MPP7: variants seen among roughly 807,000 people sequenced by gnomAD.
MPP7 encodes the protein MAGUK p55 scaffold protein 7.
Under a neutral mutation model 76.5 loss-of-function variants are expected in MPP7, and 60 were observed. That is an observed-to-expected ratio of 0.78 (90% CI 0.64 to 0.97). The LOEUF (loss-of-function observed/expected upper bound fraction) is 0.97. MPP7 is among the 50% of genes least tolerant of loss of function. MPP7 has a pLI of 0.00. For synonymous variants in MPP7, 237 were observed against 244.5 expected, an observed-to-expected ratio of 0.97 and a Z score of 0.29; for missense variants, 641 against 694.0, an observed-to-expected ratio of 0.92 and a Z score of 0.86.
chr10:28,153,521 A>G (rs2133790268), intron 3 of MPP7, among the ~76,000 whole-genome samples: 1 of 152,298 alleles, frequency 6.6e-6, no homozygotes, highest in African/African-American at 2.4e-5. Flanking sequence ...ATATGTCCAT[A>G]AGGGTTTTTT....
intron 2 of MPP7, among the ~76,000 whole-genome samples, chr10:28,315,812 T>C (rs868224193): frequency 2.6e-5 from 4 of 152,210 alleles, no homozygotes; most frequent in Middle Eastern, 3.4e-3. Flanking sequence ...AGAGTAACTT[T>C]ACAGTGGAAA....
At chr10:28,325,619 G>A (rs559697454) in intron 2 of MPP7, among the ~76,000 whole-genome samples, 6 of 151,910 alleles carry the variant, frequency 3.9e-5, no homozygotes, top group South Asian at 2.1e-4. Context: ...TCAACTTCCC[G>A]AATAGCTGAG....
chr10:28,199,180 C>G (rs1015145377), intron 3 of MPP7, among the ~76,000 whole-genome samples: 1 of 152,008 alleles, frequency 6.6e-6, no homozygotes. Context: ...AAACCACCCC[C>G]CACGATTCGA....
intron 11 of MPP7, among the ~76,000 whole-genome samples, chr10:28,091,867 AGTAATC>A (rs1170446156): frequency 3.9e-5 from 6 of 152,222 alleles, no homozygotes; most frequent in Admixed American, 3.3e-4. Context: ...AGGTATTACA[AGTAATC>A]TGGAGATGAT....
At position 28,101,016 on chromosome 10, in the gene MPP7, A is replaced by G. The variant is rs568371129; in HGVS notation, c.953-11175T>C. On this transcript the variant is annotated intron_variant, in intron 11 of 16. Coordinates refer to ENST00000683449, the MANE Select transcript of MPP7 (RefSeq NM_001318170.2). ...CAGTTATGCATATGTAAAATTGTAT[A>G]TAAAAATATGGTTCTGAACAGAGAG... Among the ~76,000 whole-genome samples, 21 of 152,250 alleles carry G rather than the reference A, an allele frequency of 1.4e-4. No homozygotes were observed. The East Asian group carries it at 4.0e-3, about 29-fold the overall frequency.
At chr10:28,317,774 G>T (rs1834336656) in intron 2 of MPP7, among the ~76,000 whole-genome samples, 2 of 152,156 alleles carry the variant, frequency 1.3e-5, no homozygotes, top group African/African-American at 4.8e-5. Flanking sequence ...ACGATTTCAG[G>T]GTGGCCGCCA....
At chr10:28,170,238 T>C (rs1026553348) in intron 3 of MPP7, among the ~76,000 whole-genome samples, 23 of 152,332 alleles carry the variant, frequency 1.5e-4, no homozygotes, top group Non-Finnish European at 2.6e-4. Context: ...TTGGGTATAT[T>C]GTGATTCCTG....
chr10:28,105,939 T>A (rs1834309630), intron 11 of MPP7, among the ~76,000 whole-genome samples: 1 of 152,234 alleles, frequency 6.6e-6, no homozygotes, highest in African/African-American at 2.4e-5. Flanking sequence ...TATGGATCTT[T>A]GTCCCAACAC....
chr10:28,119,347 C>G (rs116186104), intron 11 of MPP7, among the ~76,000 whole-genome samples: 2,246 of 152,076 alleles, frequency 0.015, 46 homozygotes, highest in African/African-American at 0.045. Flanking sequence ...GAAGGAAGAG[C>G]TGTATTTTAG....
rs1836221358 is a variant in MPP7, at chr10:28,160,442, C to T, written c.157-10383G>A. Among the ~76,000 whole-genome samples the T allele has an allele frequency of 4.6e-5, 7 of 152,262 alleles. No homozygotes were observed. In the South Asian group the frequency reaches 1.5e-3, roughly 32 times the overall value. ...GGTGCCATGGCCTTGGTTTGTGTGACAGCATGAGCAGTTTTACCCATCAGT... is the reference window on the plus strand; with the variant it reads ...GGTGCCATGGCCTTGGTTTGTGTGATAGCATGAGCAGTTTTACCCATCAGT... On this transcript the variant is annotated intron_variant, in intron 3 of 16. Transcript: ENST00000683449.
At chr10:28,125,131 G>C in intron 6 of MPP7, 40 bp from the exon 7 acceptor site, 1 of 1,497,670 alleles carries the variant, frequency 6.7e-7, no homozygotes, top group Non-Finnish European at 9.3e-7. Context: ...GGGTAAATGT[G>C]TGTACTAGGT....
chr10:28,168,501 G>A (rs1836565269), intron 3 of MPP7, among the ~76,000 whole-genome samples: 1 of 151,966 alleles, frequency 6.6e-6, no homozygotes, highest in African/African-American at 2.4e-5. Flanking sequence ...TAAGTCGAAA[G>A]ATATTCTTTT....
At chr10:28,090,870 C>T (rs1345965560) in intron 11 of MPP7, among the ~76,000 whole-genome samples, 2 of 152,156 alleles carry the variant, frequency 1.3e-5, no homozygotes, top group African/African-American at 4.8e-5. Flanking sequence ...GAGCCAGCCA[C>T]GGTGGCTCAT....
At chr10:28,164,861 T>C (rs1007792628) in intron 3 of MPP7, among the ~76,000 whole-genome samples, 1 of 152,214 alleles carries the variant, frequency 6.6e-6, no homozygotes, top group East Asian at 1.9e-4. Context: ...GTAAAATGTA[T>C]GTTGCTGTTT....
intron 12 of MPP7, among the ~76,000 whole-genome samples, chr10:28,089,351 G>A (rs1019747994): frequency 2.0e-5 from 3 of 152,096 alleles, no homozygotes; most frequent in Admixed American, 1.3e-4. Context: ...GCTTTGAAAC[G>A]AACTTGCATT....
intron 13 of MPP7, among the ~76,000 whole-genome samples, chr10:28,065,677 A>C (rs769306338): frequency 1.3e-5 from 2 of 152,174 alleles, no homozygotes; most frequent in Non-Finnish European, 2.9e-5. Context: ...TGTCCTGGGG[A>C]GATACGGAAA....
chr10:28,223,454 T>A (rs760760422), intron 2 of MPP7, among the ~76,000 whole-genome samples: 1 of 152,222 alleles, frequency 6.6e-6, no homozygotes, highest in East Asian at 1.9e-4. Context: ...ATTTGCAGCA[T>A]GATTATAATT....
chr10:28,104,312 G>T (rs1345910340), intron 11 of MPP7, among the ~76,000 whole-genome samples: 1 of 152,118 alleles, frequency 6.6e-6, no homozygotes, highest in African/African-American at 2.4e-5. Flanking sequence ...CAAAGAAATG[G>T]TTAAGAGGAA....
intron 1 of MPP7, among the ~76,000 whole-genome samples, chr10:28,287,108 G>A (rs1840806409): frequency 1.3e-5 from 2 of 151,950 alleles, no homozygotes; most frequent in South Asian, 4.2e-4. Context: ...TGGGTATTTG[G>A]CACACACTTT....
Sources: allele counts gnomAD v4.1 joint callset (sites outside exome capture counted in the v4.1 genomes callset), GRCh38; gene constraint gnomAD v4.1.1; transcripts MANE v1.5; gene names NCBI Gene and HGNC (gene_info 2026-07-23, HGNC 2026-07-21).